The following FBRSL1 variants were observed in gnomAD, a reference collection of about 807,000 sequenced individuals.
FBRSL1 encodes the protein fibrosin like 1.
In FBRSL1, 51 loss-of-function variants were observed where a neutral mutation model predicts 89.6. The ratio of observed to expected loss-of-function variants is 0.57; its 90% confidence interval spans 0.45 to 0.72. The LOEUF (loss-of-function observed/expected upper bound fraction) is 0.72. FBRSL1 is among the 30% of genes least tolerant of loss of function. The pLI is 0.00. For synonymous variants in FBRSL1, 779 were observed against 681.1 expected (o/e 1.14, Z -2.24); for missense variants, 1,618 against 1,451.8 (o/e 1.11, Z -1.86).
chr12:132,509,987 G>A (rs984003721), intron 2 of FBRSL1: 45 of 1,231,222 alleles, frequency 3.7e-5, no homozygotes, highest in African/African-American at 1.4e-4. Context: ...CCCGGCGGTC[G>A]CTGCTGCGCC....
Position 132,550,925 on chromosome 12 carries a change from C to T in FBRSL1, c.645+2893C>T, listed in dbSNP as rs572744801. On this transcript the variant is annotated intron_variant, in intron 5 of 18. Transcript: ENST00000680143. ...CAGGGGGTCAGGAACTTACGCTGGG[C>T]GGAGGGTGTGCGTGGAGCCCATCCA... The T allele has an allele frequency of 2.8e-4, 50 of 180,378 alleles. No homozygotes were observed. The East Asian group carries it at 6.4e-3, about 23-fold the overall frequency. The allele number at this position is 180,378 out of a possible 1,614,324, so 11.2% of individuals were successfully genotyped here.
intron 4 of FBRSL1, among the ~76,000 whole-genome samples, chr12:132,544,396 G>A (rs1035995394): frequency 4.6e-5 from 7 of 152,168 alleles, no homozygotes; most frequent in African/African-American, 1.7e-4. Context: ...CTACAGGAAG[G>A]CTCACCTTTC....
rs747144645 is a variant in FBRSL1, at chr12:132,581,815, C to T, written c.1987C>T (p.His663Tyr). The T allele has an allele frequency of 3.2e-6, 5 of 1,547,356 alleles. No homozygotes were observed. In the South Asian group the frequency reaches 4.8e-5, roughly 15 times the overall value. The change falls in exon 17 of 19, where the codon CAT becomes TAT. Residue 663 changes from histidine (H) to tyrosine (Y), a missense_variant. Coordinates refer to ENST00000680143, the MANE Select transcript of FBRSL1 (RefSeq NM_001367871.1). Reference protein sequence around the residue: ...SSHAFGGLGSHALAPGGSIFA... With the variant: ...SSHAFGGLGSYALAPGGSIFA... ...CCACGCCTTTGGGGGCCTGGGCAGC[C>T]ATGCACTGGGTGAGTGACCCAGCCT...
At chr12:132,542,940 CTGACAGGCAG>C (rs1455827763) in intron 4 of FBRSL1, among the ~76,000 whole-genome samples, 1 of 152,240 alleles carries the variant, frequency 6.6e-6, no homozygotes, top group Admixed American at 6.5e-5. Context: ...ATGTGTGGGG[CTGACAGGCAG>C]CCCCAACCCC....
At chr12:132,511,733 A>G in intron 2 of FBRSL1, 2 of 985,392 alleles carry the variant, frequency 2.0e-6, no homozygotes, top group Non-Finnish European at 2.4e-6. Flanking sequence ...GCTGACCTCC[A>G]GCACCCCGCA....
intron 2 of FBRSL1, among the ~76,000 whole-genome samples, chr12:132,513,272 C>A (rs1027003912): frequency 6.6e-6 from 1 of 152,172 alleles, no homozygotes; most frequent in Admixed American, 6.5e-5. Flanking sequence ...GAGCCTGAGG[C>A]CTGGTTGGAA....
intron 1 of FBRSL1, among the ~76,000 whole-genome samples, chr12:132,501,226 C>G (rs1055911381): frequency 6.6e-6 from 1 of 152,234 alleles, no homozygotes; most frequent in African/African-American, 2.4e-5. Flanking sequence ...CTACCAGCCC[C>G]TAGCCCCAGG....
intron 2 of FBRSL1, chr12:132,511,280 G>T: frequency 1.0e-6 from 1 of 985,572 alleles, no homozygotes; most frequent in Non-Finnish European, 1.2e-6. Flanking sequence ...GACCCCACAG[G>T]GTGGGCAGCG....
intron 4 of FBRSL1, among the ~76,000 whole-genome samples, chr12:132,528,607 GGGGGGAGCGGGTGTGTGTCC>G (rs1271905124): frequency 5.3e-5 from 8 of 151,772 alleles, no homozygotes; most frequent in South Asian, 4.2e-4. Context: ...GTGTCTGCCT[GGGGGGAGCGGGTGTGTGTCC>G]GGGGGAGCGG....
At chr12:132,529,163 G>A (rs945732968) in intron 4 of FBRSL1, among the ~76,000 whole-genome samples, 1 of 152,196 alleles carries the variant, frequency 6.6e-6, no homozygotes, top group Admixed American at 6.5e-5. Context: ...TGCAGCCCCC[G>A]AAATTTCCAG....
chr12:132,544,331 T>C (rs1028752640), intron 4 of FBRSL1, among the ~76,000 whole-genome samples: 11 of 152,092 alleles, frequency 7.2e-5, no homozygotes, highest in African/African-American at 2.4e-4. Flanking sequence ...CTGGCTGCCA[T>C]TGGAGCTCAG....
At chr12:132,504,751 G>T (rs2033468370) in intron 1 of FBRSL1, among the ~76,000 whole-genome samples, 1 of 152,192 alleles carries the variant, frequency 6.6e-6, no homozygotes, top group Admixed American at 6.5e-5. Flanking sequence ...GCCTTTCCAG[G>T]CCTCTCTGTG....
At chr12:132,571,001 G>T in intron 8 of FBRSL1, 67 bp from the exon 9 acceptor site, 1 of 951,490 alleles carries the variant, frequency 1.1e-6, no homozygotes, top group Non-Finnish European at 1.3e-6. Flanking sequence ...GGACCAGGAT[G>T]CTGGCCTGCG....
intron 1 of FBRSL1, among the ~76,000 whole-genome samples, chr12:132,500,037 G>A (rs796911248): frequency 8.5e-5 from 13 of 152,260 alleles, no homozygotes; most frequent in African/African-American, 2.6e-4. Context: ...CCCGGCCCAC[G>A]TGTGTACCAT....
At chr12:132,547,277 G>T (rs540246249) in intron 4 of FBRSL1, among the ~76,000 whole-genome samples, 1 of 150,916 alleles carries the variant, frequency 6.6e-6, no homozygotes, top group East Asian at 2.0e-4. Context: ...TGTGTTCTTC[G>T]TAGGGCTCTG....
At chr12:132,509,276 C>T (rs1192926604) in intron 2 of FBRSL1, 13 of 1,252,246 alleles carry the variant, frequency 1.0e-5, no homozygotes, top group Non-Finnish European at 1.3e-5. Flanking sequence ...CCCAGGGGTC[C>T]CTCCCAGCCC....
intron 1 of FBRSL1, among the ~76,000 whole-genome samples, chr12:132,504,369 C>T (rs945362801): frequency 1.3e-5 from 2 of 152,194 alleles, no homozygotes; most frequent in African/African-American, 2.4e-5. Flanking sequence ...CAAAAGCAGT[C>T]GCATAGAATT....
intron 4 of FBRSL1, among the ~76,000 whole-genome samples, chr12:132,541,073 T>A (rs2137197180): frequency 6.7e-6 from 1 of 149,560 alleles, no homozygotes. Flanking sequence ...GCACGTCAGG[T>A]GCAAATCCAC....
intron 2 of FBRSL1, among the ~76,000 whole-genome samples, chr12:132,515,755 C>G (rs1473079468): frequency 6.6e-6 from 1 of 151,874 alleles, no homozygotes; most frequent in Non-Finnish European, 1.5e-5. Flanking sequence ...AAAAAATTAG[C>G]CAGGCACGGT....
Sources: allele counts gnomAD v4.1 joint callset (sites outside exome capture counted in the v4.1 genomes callset), GRCh38; gene constraint gnomAD v4.1.1; transcripts MANE v1.5; gene names NCBI Gene and HGNC (gene_info 2026-07-23, HGNC 2026-07-21).